The following ENOX1 variants were observed in gnomAD, a reference collection of about 807,000 sequenced individuals.
ENOX1 encodes the protein ecto-NOX disulfide-thiol exchanger 1.
Under a neutral mutation model 82.5 loss-of-function variants are expected in ENOX1, and 42 were observed. The observed-to-expected ratio is 0.51, with a 90% CI of 0.40 to 0.66. The LOEUF (loss-of-function observed/expected upper bound fraction) is 0.66. ENOX1 is among the 30% of genes least tolerant of loss of function. ENOX1 has a pLI of 0.00. For missense variants in ENOX1, 608 were observed against 811.6 expected, an observed-to-expected ratio of 0.75 and a Z score of 3.05; for synonymous variants, 271 against 282.2, an observed-to-expected ratio of 0.96 and a Z score of 0.40.
intron 2 of ENOX1, among the ~76,000 whole-genome samples, chr13:43,640,518 A>C: frequency 6.6e-6 from 1 of 152,142 alleles, no homozygotes; most frequent in African/African-American, 2.4e-5. Context: ...GTACACAGAA[A>C]CCTATAAGGA....
At chr13:43,580,462 G>C (rs2080664239) in intron 2 of ENOX1, among the ~76,000 whole-genome samples, 1 of 152,198 alleles carries the variant, frequency 6.6e-6, no homozygotes, top group Non-Finnish European at 1.5e-5. Context: ...GACCAGAATA[G>C]CTGCACTAAG....
chr13:43,630,628 G>A (rs1417571666), intron 2 of ENOX1, among the ~76,000 whole-genome samples: 1 of 150,512 alleles, frequency 6.6e-6, no homozygotes, highest in Non-Finnish European at 1.5e-5. Flanking sequence ...GAGGGTGTGT[G>A]TACAGATATA....
chr13:43,529,389 T>C (rs2078116904), intron 2 of ENOX1, among the ~76,000 whole-genome samples: 1 of 152,068 alleles, frequency 6.6e-6, no homozygotes, highest in South Asian at 2.1e-4. Context: ...TGCTGGCAAT[T>C]TGGAGATGCC....
At position 43,442,248 on chromosome 13, in the gene ENOX1, A is replaced by C. The variant is rs140655252; in HGVS notation, c.-74-29260T>G. 1.6e-3 allele frequency among the ~76,000 whole-genome samples: 251 copies of C among 152,288 alleles called. 2 individuals are homozygous for C. The highest frequency in any genetic ancestry group is 5.4e-3 in the African/African-American group (226 of 41,556). Reference sequence around the variant, plus strand: ...CATTTGAATTTTAAAGGTACTCAACATTTCTAGTATTGTTTACTGAAAAAG... The same window carrying C: ...CATTTGAATTTTAAAGGTACTCAACCTTTCTAGTATTGTTTACTGAAAAAG... On this transcript the variant is annotated intron_variant, in intron 3 of 16. Transcript: ENST00000690772.
At chr13:43,659,486 T>C (rs2084612138) in intron 2 of ENOX1, among the ~76,000 whole-genome samples, 1 of 147,964 alleles carries the variant, frequency 6.8e-6, no homozygotes, top group South Asian at 2.3e-4. Context: ...TGAAACCCTG[T>C]GTAAAAAAAA....
intron 1 of ENOX1, among the ~76,000 whole-genome samples, chr13:43,711,515 G>A (rs185384190): frequency 1.9e-3 from 285 of 152,230 alleles, no homozygotes; most frequent in Admixed American, 3.3e-3. Flanking sequence ...CACAATGGTT[G>A]AACTAGTTTA....
intron 11 of ENOX1, among the ~76,000 whole-genome samples, chr13:43,308,461 T>C (rs2046994953): frequency 6.6e-6 from 1 of 152,164 alleles, no homozygotes; most frequent in South Asian, 2.1e-4. Context: ...CTTTCTCACA[T>C]CCTCACAAAA....
At chr13:43,592,295 ACACT>A (rs911733819) in intron 2 of ENOX1, among the ~76,000 whole-genome samples, 2 of 152,222 alleles carry the variant, frequency 1.3e-5, no homozygotes, top group African/African-American at 4.8e-5. Context: ...GTTTACTGAA[ACACT>A]CAGTCCTTAT....
chr13:43,698,223 T>A, intron 1 of ENOX1, among the ~76,000 whole-genome samples: 1 of 152,214 alleles, frequency 6.6e-6, no homozygotes, highest in East Asian at 1.9e-4. Context: ...CTATTACAAA[T>A]AATGCTTTGC....
intron 2 of ENOX1, among the ~76,000 whole-genome samples, chr13:43,524,734 T>C (rs1026470336): frequency 6.6e-6 from 1 of 152,120 alleles, no homozygotes; most frequent in African/African-American, 2.4e-5. Flanking sequence ...TGCTTCAATA[T>C]CACTGCTTCA....
At chr13:43,726,753 T>TGTGTGTGTGA (rs60690794) in intron 1 of ENOX1, among the ~76,000 whole-genome samples, 11 of 141,054 alleles carry the variant, frequency 7.8e-5, no homozygotes, top group Non-Finnish European at 1.2e-4. Flanking sequence ...TGTGTGTGTG[T>TGTGTGTGTGA]GAGAGAGAGA....
chr13:43,630,203 G>A (rs1939199283), intron 2 of ENOX1, among the ~76,000 whole-genome samples: 1 of 152,084 alleles, frequency 6.6e-6, no homozygotes, highest in African/African-American at 2.4e-5. Context: ...ACCCTTTATA[G>A]GCAGCTTCTT....
intron 2 of ENOX1, among the ~76,000 whole-genome samples, chr13:43,506,013 T>C (rs973378596): frequency 3.9e-5 from 6 of 152,086 alleles, no homozygotes; most frequent in Non-Finnish European, 8.8e-5. Flanking sequence ...CAGGGAATCT[T>C]TTCCCCATTT....
intron 3 of ENOX1, among the ~76,000 whole-genome samples, chr13:43,439,311 C>A (rs569517945): frequency 1.3e-5 from 2 of 151,978 alleles, no homozygotes; most frequent in East Asian, 3.9e-4. Flanking sequence ...TGGCTCACTG[C>A]AACCTCTGCC....
At chr13:43,517,303 G>A (rs2077591687) in intron 2 of ENOX1, among the ~76,000 whole-genome samples, 1 of 152,066 alleles carries the variant, frequency 6.6e-6, no homozygotes, top group South Asian at 2.1e-4. Context: ...TTCAAGACCA[G>A]CCTGGCCAAC....
chr13:43,637,498 G>A (rs1461995821), intron 2 of ENOX1, among the ~76,000 whole-genome samples: 1 of 150,420 alleles, frequency 6.6e-6, no homozygotes, highest in East Asian at 1.9e-4. Context: ...TTTGTTCCCT[G>A]AAGATCTGCA....
intron 1 of ENOX1, among the ~76,000 whole-genome samples, chr13:43,710,473 A>C (rs1350134890): frequency 1.3e-5 from 2 of 152,182 alleles, no homozygotes; most frequent in African/African-American, 2.4e-5. Context: ...GGTAAAGGTT[A>C]TATAGCAAAA....
Position 43,465,340 on chromosome 13 carries a change from T to C in ENOX1, c.-75+18669A>G, listed in dbSNP as rs533114458. On this transcript the variant is annotated intron_variant, in intron 3 of 16. Coordinates refer to ENST00000690772, the MANE Select transcript of ENOX1 (RefSeq NM_001347969.2). ...TACTTTCGGTTATAATCAAATACCA[T>C]GTTATTTATTTTGTGGCTCAAATTG... Among the ~76,000 whole-genome samples the C allele has an allele frequency of 4.7e-4, 71 of 152,354 alleles. No individual in the cohort carries two copies. The Middle Eastern group carries it at 0.01, about 22-fold the overall frequency.
At chr13:43,305,485 G>T (rs7992502) in intron 11 of ENOX1, among the ~76,000 whole-genome samples, 144,971 of 152,106 alleles carry the variant, frequency 0.95, 69,506 homozygotes, top group East Asian at 1. Context: ...TTTCGGGAGT[G>T]CAGGGTAAGC....
Sources: gnomAD v4.1 joint callset for allele counts (sites outside exome capture counted in the v4.1 genomes callset) on GRCh38, gnomAD v4.1.1 for gene constraint, MANE v1.5 for transcripts, NCBI Gene and HGNC (gene_info 2026-07-23, HGNC 2026-07-21) for gene names.